The following SLC35F5 variants were observed in gnomAD, a reference collection of about 807,000 sequenced individuals.
The protein encoded by SLC35F5 is HCV NS5A-transactivated protein 3.
A neutral mutation model predicts 68.6 loss-of-function variants in SLC35F5; 54 were observed. The ratio of observed to expected loss-of-function variants is 0.79; its 90% CI spans 0.63 to 0.99. The LOEUF (loss-of-function observed/expected upper bound fraction) is 0.99, where lower values mean the gene tolerates loss of function less well. Ranked by LOEUF, SLC35F5 falls within the 50% of genes least tolerant of loss-of-function variation. The pLI is 0.00. For synonymous variants in SLC35F5, 211 were observed against 205.2 expected (o/e 1.03, Z -0.24); for missense variants, 567 against 626.9 (o/e 0.90, Z 1.02).
chr2:113,753,195 T>G lies in SLC35F5; in HGVS notation c.273+1970A>C, dbSNP rs1178967971. Among the ~76,000 whole-genome samples, 5 of 132,084 alleles carry G rather than the reference T, an allele frequency of 3.8e-5. No homozygotes were observed. In the East Asian group the frequency reaches 1.0e-3, roughly 27 times the overall value. 86.7% of individuals were successfully genotyped at this position (132,084 alleles called of 152,430 possible). On this transcript the variant is annotated intron_variant, in intron 3 of 15. Coordinates refer to ENST00000245680, the MANE Select transcript of SLC35F5 (RefSeq NM_025181.5). ...TTTTTTTTTTTTTTTTTTTTTTTTT[T>G]GCTAAGGAGTTTCACTCTTGTTGCC...
Position 113,725,434 on chromosome 2 carries a change from C to T in SLC35F5, c.1194G>A (p.Met398Ile), listed in dbSNP as rs374406239. Reference sequence around the variant, plus strand: ...CAATAAGGCCATTAATGATAATGCACATTAATACTACTTTATTGGGAAACT... The same window carrying T: ...CAATAAGGCCATTAATGATAATGCATATTAATACTACTTTATTGGGAAACT... Reference protein sequence around the residue: ...DFEFPNKVVLMCIIINGLIGT... With the variant: ...DFEFPNKVVLICIIINGLIGT... Residue 398 changes from methionine to isoleucine, a missense_variant, in exon 12 of 16, where the codon ATG becomes ATA. Met to Ile is a conservative substitution (Grantham distance 10). Transcript: ENST00000245680. 1.9e-6 allele frequency: 3 copies of T among 1,611,824 alleles called. No individual in the cohort carries two copies. The highest frequency in any genetic ancestry group is 2.7e-5 in the African/African-American group (2 of 74,730).
intron 13 of SLC35F5, 94 bp downstream of exon 13, chr2:113,723,010 T>G (rs919869036): frequency 3.9e-6 from 3 of 764,842 alleles, no homozygotes; most frequent in Admixed American, 2.9e-5. Flanking sequence ...TTATTTATGT[T>G]TGTATCCTTA....
chr2:113,750,398 AACAG>A, intron 4 of SLC35F5, 23 bp downstream of exon 4: 1 of 1,566,362 alleles, frequency 6.4e-7, no homozygotes, highest in South Asian at 1.2e-5. Flanking sequence ...CCCCCTTCCT[AACAG>A]ACAGTTAAAA....
At chr2:113,727,354 T>TA (rs1202070286) in intron 11 of SLC35F5, among the ~76,000 whole-genome samples, 1 of 152,062 alleles carries the variant, frequency 6.6e-6, no homozygotes, top group Non-Finnish European at 1.5e-5. Context: ...ATCTATTGAT[T>TA]AAAAAAACAA....
chr2:113,750,379 G>GTT, intron 4 of SLC35F5, 46 bp downstream of exon 4: 1 of 1,477,580 alleles, frequency 6.8e-7, no homozygotes. Flanking sequence ...TTGAAAAAAC[G>GTT]TATCTATACC....
At position 113,708,879 on chromosome 2, in the gene SLC35F5, G is replaced by A. The variant is rs1472677425; in HGVS notation, c.*6339C>T. Among the ~76,000 whole-genome samples the A allele has an allele frequency of 6.6e-6, 1 of 152,184 alleles. No individual in the cohort carries two copies. The highest frequency in any genetic ancestry group is 1.5e-5 in the Non-Finnish European group (1 of 68,042). On this transcript the variant is annotated 3_prime_UTR_variant, in exon 16 of 16. Transcript: ENST00000245680. The stretch of plus-strand genomic sequence containing the variant: ...CTTTTGAACATGCATTAGGTAACCA[G>A]GGGGCAACAGAGTAGGGACTAATAA...
At chr2:113,728,636 T>C (rs956421737) in intron 11 of SLC35F5, among the ~76,000 whole-genome samples, 1 of 152,218 alleles carries the variant, frequency 6.6e-6, no homozygotes, top group Non-Finnish European at 1.5e-5. Flanking sequence ...AATTTCCTCA[T>C]ATTTCAGATG....
At chr2:113,727,267 C>A (rs970757690) in intron 11 of SLC35F5, among the ~76,000 whole-genome samples, 1 of 152,106 alleles carries the variant, frequency 6.6e-6, no homozygotes, top group Admixed American at 6.6e-5. Flanking sequence ...GTCAATTAAA[C>A]CTCTTTTGTT....
Position 113,707,314 on chromosome 2 carries a change from T to C in SLC35F5, c.*7904A>G, listed in dbSNP as rs1452519341. Among the ~76,000 whole-genome samples the C allele has an allele frequency of 6.6e-6, 1 of 152,176 alleles. No individual in the cohort carries two copies. Among genetic ancestry groups the C allele is most frequent in the African/African-American group, 2.4e-5 (1 of 41,446 alleles). On this transcript the variant is annotated 3_prime_UTR_variant, in exon 16 of 16. Coordinates refer to ENST00000245680, the MANE Select transcript of SLC35F5 (RefSeq NM_025181.5). ...GGCCTATCAGATAAAACTAAAATGCTGCAACTTAATCAGAATGATGCAATC... is the reference window on the plus strand; with the variant it reads ...GGCCTATCAGATAAAACTAAAATGCCGCAACTTAATCAGAATGATGCAATC...
chr2:113,744,986 C>T (rs962554198), intron 5 of SLC35F5, among the ~76,000 whole-genome samples: 10 of 151,670 alleles, frequency 6.6e-5, no homozygotes, highest in Non-Finnish European at 1.3e-4. Context: ...TTTTTTATTT[C>T]TTTGATTTCT....
rs1440014700 is a variant in SLC35F5 at position 113,755,515 on chromosome 2, G to A, written c.70C>T (p.Leu24=). 1.9e-6 allele frequency: 3 copies of A among 1,613,968 alleles called. No individual in the cohort carries two copies. Among genetic ancestry groups the A allele is most frequent in the Non-Finnish European group, 2.5e-6 (3 of 1,179,956 alleles). ...GVLSSSPPFR[L]RSAKFSGIAL... ...ATGCCGGAAAACTTGGCAGATCTCA[G>A]TCTAAAAGGAGGTGAAGAACTCAGC... The change falls in exon 2 of 16, where the codon CTG becomes TTG. Residue 24 remains leucine, a synonymous_variant. Transcript: ENST00000245680.
intron 10 of SLC35F5, among the ~76,000 whole-genome samples, chr2:113,730,996 A>G (rs1687861715): frequency 6.6e-6 from 1 of 152,338 alleles, no homozygotes; most frequent in Admixed American, 6.5e-5. Context: ...ATTACCAGCA[A>G]CAGGACAAAT....
rs900896885 is a variant in SLC35F5, at chr2:113,724,306, C to T, written c.1250+1072G>A. 2.6e-5 allele frequency among the ~76,000 whole-genome samples: 4 copies of T among 152,098 alleles called. No individual in the cohort carries two copies. The South Asian group carries it at 8.3e-4, about 32-fold the overall frequency. ...CTTAATCCAGCTGTTAAGGTGGATC[C>T]AATTTAGCTAAAGGCTAAAGCCTTT... is the stretch of plus-strand genomic sequence containing the variant. On this transcript the variant is annotated intron_variant, in intron 12 of 15. Coordinates refer to ENST00000245680, the MANE Select transcript of SLC35F5 (RefSeq NM_025181.5).
In SLC35F5 at chr2:113,716,003, A is replaced by C. The variant is rs539489898; in HGVS notation, c.*23-808T>G. Among the ~76,000 whole-genome samples the C allele has an allele frequency of 2.6e-5, 4 of 152,304 alleles. No individual in the cohort carries two copies. The South Asian group carries it at 8.3e-4, about 32-fold the overall frequency. On this transcript the variant is annotated intron_variant, in intron 15 of 15. Coordinates refer to ENST00000245680, the MANE Select transcript of SLC35F5 (RefSeq NM_025181.5). Reference sequence around the variant, plus strand: ...CACTATGTTGCCCAGGCTAGTCTCAAACTCCTGAGCTCAAGTTATCCTCCC... The same window carrying C: ...CACTATGTTGCCCAGGCTAGTCTCACACTCCTGAGCTCAAGTTATCCTCCC...
At chr2:113,724,171 G>C (rs550721368) in intron 12 of SLC35F5, among the ~76,000 whole-genome samples, 1 of 152,314 alleles carries the variant, frequency 6.6e-6, no homozygotes, top group East Asian at 1.9e-4. Context: ...CTACTTAGCT[G>C]CTCTGTGAAA....
In SLC35F5 at chr2:113,714,953, A is replaced by ATG. The variant is rs1428304401; in HGVS notation, c.*263_*264dup. 1 of 152,622 alleles carries ATG rather than the reference A, an allele frequency of 6.6e-6. No individual in the cohort carries two copies. Among genetic ancestry groups the ATG allele is most frequent in the African/African-American group, 2.4e-5 (1 of 41,462 alleles). The allele number at this position is 152,622 out of a possible 1,614,324, so 9.5% of individuals were successfully genotyped here. ...GATTTCAACAGCTGAATTCCTTGAGATGTGTAAGGCAGGTTGGTCCTTTGG... is the reference window on the plus strand; with the variant it reads ...GATTTCAACAGCTGAATTCCTTGAGATGTGTGTAAGGCAGGTTGGTCCTTTGG... On this transcript the variant is annotated 3_prime_UTR_variant, in exon 16 of 16. Coordinates refer to ENST00000245680, the MANE Select transcript of SLC35F5 (RefSeq NM_025181.5).
In SLC35F5 at chr2:113,717,785, C is replaced by T; in HGVS notation, c.1562G>A (p.Gly521Glu). The T allele has an allele frequency of 6.2e-7, 1 of 1,613,186 alleles. No individual in the cohort carries two copies. The highest frequency in any genetic ancestry group is 8.5e-7 in the Non-Finnish European group (1 of 1,179,600). The change falls in exon 15 of 16, where the codon GGA (glycine) becomes GAA (glutamate). Residue 521 changes from glycine to glutamate, a missense_variant. Coordinates refer to ENST00000245680, the MANE Select transcript of SLC35F5 (RefSeq NM_025181.5). ...ISMHSVSQED[G>E]AS ...ACAGACAACAGACAGCTAACTAGCT[C>T]CATCCTCCTGAGAAACACTGTGCAT...
At chr2:113,724,635 G>A (rs1687588085) in intron 12 of SLC35F5, among the ~76,000 whole-genome samples, 2 of 152,024 alleles carry the variant, frequency 1.3e-5, no homozygotes, top group Non-Finnish European at 2.9e-5. Context: ...TTTTGCAAGG[G>A]AAAACTAGTT....
intron 7 of SLC35F5, among the ~76,000 whole-genome samples, chr2:113,740,385 G>A (rs922297933): frequency 1.3e-5 from 2 of 152,104 alleles, no homozygotes; most frequent in Non-Finnish European, 2.9e-5. Flanking sequence ...CTTGGAAAAA[G>A]CAAACGTTTT....
Sources: allele counts gnomAD v4.1 joint callset (sites outside exome capture counted in the v4.1 genomes callset), GRCh38; gene constraint gnomAD v4.1.1; transcripts MANE v1.5; gene names NCBI Gene and HGNC (gene_info 2026-07-23, HGNC 2026-07-21).